The following ITGA9 variants were observed in gnomAD, a reference collection of about 807,000 sequenced individuals.
ITGA9 encodes integrin alpha-9.
Under a neutral mutation model 127.8 loss-of-function variants are expected in ITGA9, and 56 were observed. That is an observed-to-expected ratio of 0.44 (90% CI 0.35 to 0.55). ITGA9 has a LOEUF of 0.55. Ranked by LOEUF, ITGA9 falls within the 20% of genes least tolerant of loss-of-function variation. The pLI, the probability that ITGA9 is intolerant of heterozygous loss-of-function variation, is 0.00. For missense variants in ITGA9, 1,196 were observed against 1,347.1 expected, an observed-to-expected ratio of 0.89 and a Z score of 1.76; for synonymous variants, 508 against 514.5, an observed-to-expected ratio of 0.99 and a Z score of 0.17.
At chr3:37,650,155 A>G (rs1700416163) in intron 16 of ITGA9, among the ~76,000 whole-genome samples, 1 of 152,200 alleles carries the variant, frequency 6.6e-6, no homozygotes, top group African/African-American at 2.4e-5. Context: ...AATTCTAAGA[A>G]CAAATGCCCC....
chr3:37,474,557 A>G (rs930880024), intron 3 of ITGA9, among the ~76,000 whole-genome samples: 5 of 152,218 alleles, frequency 3.3e-5, no homozygotes, highest in African/African-American at 1.2e-4. Flanking sequence ...TCACGCATGT[A>G]CACTTATGCA....
At chr3:37,757,355 G>T (rs1696665212) in intron 23 of ITGA9, among the ~76,000 whole-genome samples, 1 of 151,760 alleles carries the variant, frequency 6.6e-6, no homozygotes, top group South Asian at 2.1e-4. Flanking sequence ...CTTATATGAA[G>T]ATTTAAAATT....
chr3:37,820,479 CCCCT>C lies in ITGA9; in HGVS notation c.*1491_*1494del, dbSNP rs1431122211. ...TGAGCAGAACACTGCCCCTCCCCAC[CCCCT>C]GAATGTGTGAGTGCTGAGTTACGGC... On this transcript the variant is annotated 3_prime_UTR_variant, in exon 28 of 28. Transcript: ENST00000264741. The C allele has an allele frequency of 6.6e-6, 1 of 152,308 alleles. No individual in the cohort carries two copies. Among genetic ancestry groups the C allele is most frequent in the African/African-American group, 2.4e-5 (1 of 41,426 alleles). 9.4% of individuals were successfully genotyped at this position (152,308 alleles called of 1,614,324 possible).
At chr3:37,619,675 G>A (rs1028122349) in intron 15 of ITGA9, among the ~76,000 whole-genome samples, 1 of 152,172 alleles carries the variant, frequency 6.6e-6, no homozygotes, top group African/African-American at 2.4e-5. Context: ...TGTCAGTTAG[G>A]AGTCTGAGCA....
chr3:37,644,664 A>G (rs537089319), intron 16 of ITGA9, among the ~76,000 whole-genome samples: 12 of 152,330 alleles, frequency 7.9e-5, no homozygotes, highest in African/African-American at 2.9e-4. Context: ...AACACCCAAG[A>G]TAGCAGAACT....
intron 16 of ITGA9, among the ~76,000 whole-genome samples, chr3:37,639,717 G>C (rs935396224): frequency 6.6e-6 from 1 of 152,166 alleles, no homozygotes; most frequent in African/African-American, 2.4e-5. Flanking sequence ...TTAAGAAAGA[G>C]CTTGTTGCAG....
rs904848307 is a variant in ITGA9, at chr3:37,597,583, G to A, written c.1690-31604G>A. ...CTTTCCCACCTACGACCTATGAGGT[G>A]CACCTGTCCGTAGTAAGTACTCAGT... On this transcript the variant is annotated intron_variant, in intron 15 of 27. Transcript: ENST00000264741. This position sits in a 1 kb window ranked among gnomAD's most constrained non-coding sequence, Gnocchi z 4.6. Among the ~76,000 whole-genome samples, 16 of 152,190 alleles carry A rather than the reference G, an allele frequency of 1.1e-4. No individual in the cohort carries two copies. Among genetic ancestry groups the A allele is most frequent in the African/African-American group, 2.4e-4 (10 of 41,432 alleles).
intron 12 of ITGA9, among the ~76,000 whole-genome samples, chr3:37,524,661 C>T (rs1196444279): frequency 4.6e-5 from 7 of 152,324 alleles, no homozygotes; most frequent in African/African-American, 1.4e-4. Context: ...CAATGTGCAT[C>T]TCGCAGTGAC....
intron 7 of ITGA9, 29 bp downstream of exon 7, chr3:37,506,114 G>C (rs745492313): frequency 4.0e-6 from 6 of 1,507,282 alleles, no homozygotes; most frequent in Non-Finnish European, 5.5e-6. Flanking sequence ...GGAATAGCTG[G>C]GGTCAGACAG....
chr3:37,657,619 C>G (rs1575182978), intron 17 of ITGA9, among the ~76,000 whole-genome samples: 1 of 126,844 alleles, frequency 7.9e-6, no homozygotes, highest in Non-Finnish European at 1.7e-5. Flanking sequence ...TTTTGTTGAT[C>G]TTTTCAAAAA....
At chr3:37,460,648 G>A (rs1026461066) in intron 1 of ITGA9, among the ~76,000 whole-genome samples, 1 of 147,614 alleles carries the variant, frequency 6.8e-6, no homozygotes, top group East Asian at 2.0e-4. Flanking sequence ...GGAGTGCAGT[G>A]GTGCGATCTC....
intron 16 of ITGA9, among the ~76,000 whole-genome samples, chr3:37,652,923 A>G (rs1408761712): frequency 6.6e-6 from 1 of 152,196 alleles, no homozygotes; most frequent in Admixed American, 6.5e-5. Context: ...CATGGACCGT[A>G]GAAGAAAGCC....
At chr3:37,572,564 A>G (rs534938602) in intron 15 of ITGA9, among the ~76,000 whole-genome samples, 2 of 152,352 alleles carry the variant, frequency 1.3e-5, no homozygotes, top group South Asian at 2.1e-4. Context: ...ATAAGATAAT[A>G]TAGCTCATGC....
intron 18 of ITGA9, among the ~76,000 whole-genome samples, chr3:37,720,554 A>G (rs1701180433): frequency 6.6e-6 from 1 of 152,240 alleles, no homozygotes; most frequent in South Asian, 2.1e-4. Flanking sequence ...AAGAAAAACT[A>G]ATTTTTAAAA....
At chr3:37,713,156 C>T (rs1018178928) in intron 18 of ITGA9, among the ~76,000 whole-genome samples, 1 of 152,148 alleles carries the variant, frequency 6.6e-6, no homozygotes, top group Non-Finnish European at 1.5e-5. Flanking sequence ...AAGACAGTGG[C>T]GTGGGATGAT....
At chr3:37,494,425 G>C in intron 4 of ITGA9, 76 bp from the exon 5 acceptor site, 2 of 1,063,126 alleles carry the variant, frequency 1.9e-6, no homozygotes, top group South Asian at 2.6e-5. Context: ...TGGCTGGCTG[G>C]CTCTGCTGGC....
At chr3:37,688,321 G>A (rs1333589192) in intron 18 of ITGA9, among the ~76,000 whole-genome samples, 2 of 152,074 alleles carry the variant, frequency 1.3e-5, no homozygotes, top group Non-Finnish European at 2.9e-5. Context: ...GAATACAAAA[G>A]TAGTTGAATA....
chr3:37,497,884 C>G (rs1044611993), intron 5 of ITGA9, among the ~76,000 whole-genome samples: 4 of 152,154 alleles, frequency 2.6e-5, no homozygotes, highest in Non-Finnish European at 5.9e-5. Flanking sequence ...TGGGTTTGCC[C>G]AGAACTTTGG....
intron 23 of ITGA9, among the ~76,000 whole-genome samples, chr3:37,758,621 A>T (rs1298728489): frequency 2.7e-5 from 4 of 149,244 alleles, no homozygotes; most frequent in Non-Finnish European, 5.9e-5. Context: ...AACTTGACAA[A>T]GACCCTTTGC....
Sources: allele counts gnomAD v4.1 joint callset (sites outside exome capture counted in the v4.1 genomes callset), GRCh38; gene constraint gnomAD v4.1.1; non-coding constraint Gnocchi (gnomAD v3.1); transcripts MANE v1.5; gene names NCBI Gene and HGNC (gene_info 2026-07-23, HGNC 2026-07-21).